Variants in NRP1 observed in about 807,000 individuals in gnomAD.
The protein encoded by NRP1 is neuropilin 1, also known as neuropilin-1.
NRP1 carries 35 observed loss-of-function variants against 106.7 expected under a neutral mutation model. The observed-to-expected ratio is 0.33, with a 90% CI of 0.25 to 0.43. The LOEUF (loss-of-function observed/expected upper bound fraction) is 0.43, where lower values mean the gene tolerates loss of function less well. Ranked by LOEUF, NRP1 falls within the 20% of genes least tolerant of loss-of-function variation. NRP1 has a pLI of 1.00. For synonymous variants in NRP1, 437 were observed against 417.9 expected, an observed-to-expected ratio of 1.05 and a Z score of -0.56; for missense variants, 1,024 against 1,170.4, an observed-to-expected ratio of 0.87 and a Z score of 1.83.
chr10:33,260,364 C>G (rs1258847745), intron 4 of NRP1, among the ~76,000 whole-genome samples: 1 of 152,080 alleles, frequency 6.6e-6, no homozygotes, highest in Non-Finnish European at 1.5e-5. Context: ...CTAAATTAAT[C>G]TTTAGAAGAT....
intron 6 of NRP1, among the ~76,000 whole-genome samples, chr10:33,227,569 T>C (rs1462136856): frequency 6.6e-6 from 1 of 152,164 alleles, no homozygotes; most frequent in African/African-American, 2.4e-5. Flanking sequence ...CTGATGTCTC[T>C]AGGAAACAAC....
intron 6 of NRP1, among the ~76,000 whole-genome samples, chr10:33,227,470 T>G (rs1024480160): frequency 1.3e-5 from 2 of 152,152 alleles, no homozygotes; most frequent in Non-Finnish European, 2.9e-5. Context: ...CAGCTTTAGA[T>G]TTCTTCCCTC....
chr10:33,282,472 C>A (rs1844211477), intron 2 of NRP1, among the ~76,000 whole-genome samples: 1 of 152,158 alleles, frequency 6.6e-6, no homozygotes, highest in African/African-American at 2.4e-5. Context: ...CAGTGGGGAT[C>A]TAGGTAGTTT....
intron 2 of NRP1, among the ~76,000 whole-genome samples, chr10:33,300,769 CT>C (rs949361708): frequency 9.2e-5 from 14 of 152,274 alleles, no homozygotes; most frequent in African/African-American, 3.1e-4. Context: ...CTGGAAGCCC[CT>C]CCCCTGCTTT....
chr10:33,289,057 G>A (rs1341369050), intron 2 of NRP1, among the ~76,000 whole-genome samples: 2 of 152,058 alleles, frequency 1.3e-5, no homozygotes, highest in East Asian at 1.9e-4. Context: ...AACAACCACC[G>A]CATAGCCCAG....
In NRP1 at chr10:33,330,759, C is replaced by A; in HGVS notation, c.197G>T (p.Arg66Ile). 6.2e-7 allele frequency: 1 copy of A among 1,613,766 alleles called. No homozygotes were observed. The highest frequency in any genetic ancestry group is 1.1e-5 in the South Asian group (1 of 91,004). The change falls in exon 2 of 17, where the codon AGA becomes ATA. Residue 66 changes from arginine to isoleucine, a missense_variant. Arg to Ile is a moderately conservative substitution (Grantham distance 97). Around this residue, in one of 5 missense-constraint regions of NRP1, gnomAD observed 279 missense variants for 327.4 expected, o/e 0.85. Transcript: ENST00000374867. The stretch of plus-strand genomic sequence containing the variant: ...GTGAGGGTTGAAGTTGATCATAATT[C>A]TCTGGTATGGGTCCGGAGCCTGAAT... ...WLIQAPDPYQ[R>I]IMINFNPHFD... is the part of the protein sequence containing the mutation.
chr10:33,277,682 T>C (rs1228157670), intron 2 of NRP1, among the ~76,000 whole-genome samples: 4 of 152,260 alleles, frequency 2.6e-5, no homozygotes, highest in African/African-American at 9.6e-5. Context: ...TGAAAGTCAT[T>C]CTAAATGTGT....
chr10:33,211,730 TG>T (rs1269743308), intron 9 of NRP1: 2 of 152,244 alleles, frequency 1.3e-5, no homozygotes, highest in Non-Finnish European at 2.9e-5. Flanking sequence ...GCAATGCCTC[TG>T]GCTTGAGTCA....
At chr10:33,220,920 A>AAAAG (rs1564395443) in intron 8 of NRP1, among the ~76,000 whole-genome samples, 1 of 151,302 alleles carries the variant, frequency 6.6e-6, no homozygotes, top group African/African-American at 2.4e-5. Context: ...AAAAAAAAAA[A>AAAAG]AAAGAAAAAC....
chr10:33,210,300 A>G (rs1368008074), intron 9 of NRP1, among the ~76,000 whole-genome samples: 2 of 152,084 alleles, frequency 1.3e-5, no homozygotes, highest in Non-Finnish European at 2.9e-5. Flanking sequence ...GTGAGGCCCA[A>G]TTAAGTTATT....
Sources: allele counts gnomAD v4.1 joint callset (sites outside exome capture counted in the v4.1 genomes callset), GRCh38; gene constraint gnomAD v4.1.1; regional missense constraint gnomAD v4.1.1; transcripts MANE v1.5; gene names NCBI Gene and HGNC (gene_info 2026-07-23, HGNC 2026-07-21).